KCNK10: variants seen among roughly 807,000 people sequenced by gnomAD.
KCNK10 encodes potassium two pore domain channel subfamily K member 10, also known as potassium channel subfamily K member 10.
In KCNK10, 25 loss-of-function variants were observed where a neutral mutation model predicts 47.7. That is an observed-to-expected ratio of 0.52 (90% CI 0.38 to 0.73). The LOEUF (loss-of-function observed/expected upper bound fraction) is 0.73. Among genes scored for constraint, KCNK10 ranks in the 30% least tolerant of loss-of-function variants. The probability of loss-of-function intolerance (pLI) is 0.00; values close to 1 mark genes in which losing one functional copy is unlikely to be tolerated. For missense variants in KCNK10, 563 were observed against 714.5 expected (o/e 0.79, Z 2.42); for synonymous variants, 303 against 285.6 (o/e 1.06, Z -0.61).
intron 4 of KCNK10, among the ~76,000 whole-genome samples, chr14:88,204,599 C>A (rs1228554414): frequency 6.6e-6 from 1 of 151,460 alleles, no homozygotes; most frequent in Non-Finnish European, 1.5e-5. Context: ...CCCCTACCCC[C>A]GCTGCAGGCA....
At chr14:88,280,709 C>T (rs1887632705) in intron 1 of KCNK10, among the ~76,000 whole-genome samples, 1 of 152,096 alleles carries the variant, frequency 6.6e-6, no homozygotes, top group South Asian at 2.1e-4. Flanking sequence ...CTTGTCCTGT[C>T]CCTCCCCAAT....
chr14:88,296,126 T>C (rs755789033), intron 1 of KCNK10, among the ~76,000 whole-genome samples: 6 of 152,164 alleles, frequency 3.9e-5, no homozygotes, highest in Non-Finnish European at 8.8e-5. Context: ...TATGTAACTC[T>C]TCATACTCTG....
At chr14:88,238,181 C>A (rs530377521) in intron 3 of KCNK10, among the ~76,000 whole-genome samples, 3 of 152,210 alleles carry the variant, frequency 2.0e-5, no homozygotes, top group Non-Finnish European at 2.9e-5. Flanking sequence ...TCTGAAGCCT[C>A]CTTACCTCTC....
chr14:88,304,640 T>C lies in KCNK10; in HGVS notation c.52+18107A>G, dbSNP rs566463600. Reference sequence around the variant, plus strand: ...CCATTCTGTGATCTATTTAGTGCCATGTTTTTCACATTTTGTGCTTTTTTG... The same window carrying C: ...CCATTCTGTGATCTATTTAGTGCCACGTTTTTCACATTTTGTGCTTTTTTG... On this transcript the variant is annotated intron_variant, in intron 1 of 6. Transcript: ENST00000319231. Among the ~76,000 whole-genome samples the C allele has an allele frequency of 5.9e-5, 9 of 152,330 alleles. No homozygotes were observed. The South Asian group carries it at 1.5e-3, about 25-fold the overall frequency.
At chr14:88,222,193 C>T (rs1272519452) in intron 4 of KCNK10, among the ~76,000 whole-genome samples, 2 of 152,132 alleles carry the variant, frequency 1.3e-5, no homozygotes, top group East Asian at 3.9e-4. Context: ...TCTCGTGAGG[C>T]TTATTCACTA....
chr14:88,182,635 T>C lies in KCNK10; in HGVS notation c.*2900A>G, dbSNP rs189207125. On this transcript the variant is annotated 3_prime_UTR_variant, in exon 7 of 7. Coordinates refer to ENST00000319231, the MANE Select transcript of KCNK10 (RefSeq NM_138317.3). ...TGTTCATCACATTCTTGGCCAAATG[T>C]CTCAGGGAATGGGTTATGTAGAAAA... The C allele has an allele frequency of 7.3e-4, 111 of 152,470 alleles. No homozygotes were observed. Among genetic ancestry groups the C allele is most frequent in the African/African-American group, 2.4e-3 (101 of 41,572 alleles). The allele number at this position is 152,470 out of a possible 1,614,324, so 9.4% of individuals were successfully genotyped here. A position where few individuals can be genotyped will look rare whatever the true frequency, so the allele number is the denominator to read the frequency against.
At position 88,236,630 on chromosome 14, in the gene KCNK10, G is replaced by A. The variant is rs925345484; in HGVS notation, c.520+4073C>T. ...ATACCCTGAGGTTATACAGGCATAC[G>A]TCAGAGACATTGTGAGTTAGACTTC... On this transcript the variant is annotated intron_variant, in intron 3 of 6. Coordinates refer to ENST00000319231, the MANE Select transcript of KCNK10 (RefSeq NM_138317.3). Among the ~76,000 whole-genome samples, 5 of 152,158 alleles carry A rather than the reference G, an allele frequency of 3.3e-5. No individual in the cohort carries two copies. The South Asian group carries it at 6.2e-4, about 19-fold the overall frequency.
chr14:88,205,076 G>A (rs753765514), intron 4 of KCNK10, among the ~76,000 whole-genome samples: 44 of 152,300 alleles, frequency 2.9e-4, no homozygotes, highest in Non-Finnish European at 1.2e-4. Context: ...TGGCAATCAT[G>A]GATCTTTGTA....
chr14:88,193,634 T>C (rs1329793196), intron 4 of KCNK10, among the ~76,000 whole-genome samples: 1 of 152,226 alleles, frequency 6.6e-6, no homozygotes, highest in African/African-American at 2.4e-5. Context: ...CCATGAGACC[T>C]GCATCCTCTT....
At chr14:88,270,691 A>T (rs1367751069) in intron 1 of KCNK10, 2 of 780,870 alleles carry the variant, frequency 2.6e-6, no homozygotes, top group African/African-American at 1.7e-5. Flanking sequence ...CTCATCTCAC[A>T]TCTGTGCTTT....
chr14:88,285,514 C>T (rs1251411542), intron 1 of KCNK10, among the ~76,000 whole-genome samples: 2 of 152,172 alleles, frequency 1.3e-5, no homozygotes, highest in Non-Finnish European at 2.9e-5. Flanking sequence ...CACCTTTTAG[C>T]ATGCCAACTT....
At chr14:88,264,758 A>G (rs188701529) in intron 1 of KCNK10, among the ~76,000 whole-genome samples, 27 of 152,352 alleles carry the variant, frequency 1.8e-4, no homozygotes, top group Non-Finnish European at 3.5e-4. Context: ...TCAGATTTAC[A>G]CAAACGCAAA....
chr14:88,281,991 A>T (rs774958013), intron 1 of KCNK10, among the ~76,000 whole-genome samples: 1 of 151,498 alleles, frequency 6.6e-6, no homozygotes, highest in Non-Finnish European at 1.5e-5. Flanking sequence ...CATCCCCAAC[A>T]CCTTCCCCAC....
At chr14:88,306,707 G>T (rs1370185893) in intron 1 of KCNK10, among the ~76,000 whole-genome samples, 1 of 152,080 alleles carries the variant, frequency 6.6e-6, no homozygotes, top group Non-Finnish European at 1.5e-5. Context: ...GGGTAGGAGG[G>T]GAGCCAACTA....
At chr14:88,237,634 A>G (rs966125936) in intron 3 of KCNK10, among the ~76,000 whole-genome samples, 1 of 152,220 alleles carries the variant, frequency 6.6e-6, no homozygotes, top group Non-Finnish European at 1.5e-5. Context: ...ATCTCCTTGC[A>G]CCTTTCCATC....
intron 2 of KCNK10, 116 bp downstream of exon 2, chr14:88,263,086 T>C: frequency 1.2e-6 from 1 of 806,742 alleles, no homozygotes; most frequent in South Asian, 1.8e-5. Flanking sequence ...TGGAGAGAAC[T>C]TCCCTGACCA....
intron 4 of KCNK10, among the ~76,000 whole-genome samples, chr14:88,224,048 A>G (rs964589117): frequency 4.0e-5 from 6 of 151,642 alleles, no homozygotes; most frequent in African/African-American, 1.5e-4. Flanking sequence ...AATTGTGAGC[A>G]TTCTTATTTT....
intron 2 of KCNK10, among the ~76,000 whole-genome samples, chr14:88,253,686 G>A (rs1258795926): frequency 6.6e-6 from 1 of 152,076 alleles, no homozygotes; most frequent in Non-Finnish European, 1.5e-5. Flanking sequence ...GATCACCTGA[G>A]GTCAGGAGTT....
At chr14:88,270,926 T>C in intron 1 of KCNK10, 1 of 726,640 alleles carries the variant, frequency 1.4e-6, no homozygotes, top group Non-Finnish European at 2.5e-6. Context: ...TGACTCTCCC[T>C]TCCAGGACCT....
Sources: allele counts gnomAD v4.1 joint callset (sites outside exome capture counted in the v4.1 genomes callset), GRCh38; gene constraint gnomAD v4.1.1; transcripts MANE v1.5; gene names NCBI Gene and HGNC (gene_info 2026-07-23, HGNC 2026-07-21).